SEC24C: variants seen among roughly 807,000 people sequenced by gnomAD.
SEC24C encodes protein transport protein Sec24C.
A neutral mutation model predicts 117.0 loss-of-function variants in SEC24C; 22 were observed. The observed-to-expected ratio is 0.19, with a 90% CI of 0.13 to 0.27. The LOEUF is 0.27. Among genes scored for constraint, SEC24C ranks in the 10% least tolerant of loss-of-function variants. The pLI is 1.00. For missense variants in SEC24C, 1,155 were observed against 1,375.1 expected, an observed-to-expected ratio of 0.84 and a Z score of 2.53; for synonymous variants, 506 against 529.4, an observed-to-expected ratio of 0.96 and a Z score of 0.61.
At chr10:73,770,586 A>G in intron 21 of SEC24C, 115 bp downstream of exon 21, 1 of 1,497,002 alleles carries the variant, frequency 6.7e-7, no homozygotes, top group South Asian at 1.1e-5. Context: ...ACTTGGGGAC[A>G]AGGGCAGTTG....
chr10:73,756,875 GGT>G (rs2082717174), intron 3 of SEC24C, among the ~76,000 whole-genome samples: 1 of 147,478 alleles, frequency 6.8e-6, no homozygotes, highest in Non-Finnish European at 1.5e-5. Flanking sequence ...TGGGATTACA[GGT>G]GTGAGTCACT....
intron 8 of SEC24C, among the ~76,000 whole-genome samples, chr10:73,764,307 G>A (rs956853606): frequency 1.3e-5 from 2 of 152,020 alleles, no homozygotes. Flanking sequence ...GGTGGATCAC[G>A]AGGACAGGAG....
intron 2 of SEC24C, among the ~76,000 whole-genome samples, chr10:73,749,668 C>T (rs935096773): frequency 6.6e-5 from 10 of 151,914 alleles, no homozygotes; most frequent in African/African-American, 1.9e-4. Context: ...CTCAGCCTCC[C>T]GAATAGCTGG....
chr10:73,746,915 A>T lies in SEC24C; in HGVS notation c.83A>T (p.Tyr28Phe). 1.2e-6 allele frequency: 2 copies of T among 1,614,062 alleles called. No homozygotes were observed. Among genetic ancestry groups the T allele is most frequent in the Non-Finnish European group, 1.7e-6 (2 of 1,179,972 alleles). Residue 28 changes from tyrosine to phenylalanine, a missense_variant, in exon 2 of 23, where the codon TAT (tyrosine) becomes TTT (phenylalanine). Transcript: ENST00000345254. Reference sequence around the variant, plus strand: ...TACCCAGGGTATCATCAGTCCAGCTATGGTGGGCAATCAGGGTCCACAGCC... The same window carrying T: ...TACCCAGGGTATCATCAGTCCAGCTTTGGTGGGCAATCAGGGTCCACAGCC... Reference protein sequence around the residue: ...PIYPGYHQSSYGGQSGSTAPA... With the variant: ...PIYPGYHQSSFGGQSGSTAPA...
In SEC24C at chr10:73,769,364, C is replaced by A. The variant is rs1282563855; in HGVS notation, c.2442C>A (p.Thr814=). Residue 814 remains threonine (T), a synonymous_variant, in exon 18 of 23, where the codon ACC becomes ACA. Transcript: ENST00000345254. The surrounding 1 kb of genome is among the most constrained non-coding windows in gnomAD (Gnocchi z 4.5). ...GALLQCALLY[T]SCAGQRRLRI... The stretch of plus-strand genomic sequence containing the variant: ...TCCCCTAGTGTGCCCTGCTTTACAC[C>A]AGCTGTGCAGGGCAGCGTCGGCTCC... 6 of 1,613,840 alleles carry A rather than the reference C, an allele frequency of 3.7e-6. No individual in the cohort carries two copies. The highest frequency in any genetic ancestry group is 2.2e-5 in the East Asian group (1 of 44,894).
At position 73,751,225 on chromosome 10, in the gene SEC24C, C is replaced by G. The variant is rs749889185; in HGVS notation, c.290C>G (p.Ser97Cys). 10 of 1,614,034 alleles carry G rather than the reference C, an allele frequency of 6.2e-6. No individual in the cohort carries two copies. The highest frequency in any genetic ancestry group is 8.5e-6 in the Non-Finnish European group (10 of 1,179,926). The change falls in exon 3 of 23, where the codon TCC (serine) becomes TGC (cysteine). Residue 97 changes from serine to cysteine, a missense_variant. Transcript: ENST00000345254. The stretch of plus-strand genomic sequence containing the variant: ...GGAGATGTACAGAATGGGCCAAGCT[C>G]CACTGTTCAGATGCAAAGGTAGGTA... ...GQGDVQNGPS[S>C]TVQMQRLPGS...
rs140932314 is a variant in SEC24C, at chr10:73,770,292, G to A, written c.2875G>A (p.Val959Ile). Reference sequence around the variant, plus strand: ...TCCTTTTGTCTAGACAAAGTCTCCCGTTGAGAGTACTACCGAACCACCAGC... The same window carrying A: ...TCCTTTTGTCTAGACAAAGTCTCCCATTGAGAGTACTACCGAACCACCAGC... ...PRLLPLTKSP[V>I]ESTTEPPAVR... The change falls in exon 21 of 23, where the codon GTT becomes ATT. Residue 959 changes from valine (V) to isoleucine (I), a missense_variant. This residue lies in a region of SEC24C where 759 missense variants were observed against 992.3 expected (regional missense o/e 0.76). Coordinates refer to ENST00000345254, the MANE Select transcript of SEC24C (RefSeq NM_198597.3). The A allele has an allele frequency of 4.0e-5, 65 of 1,608,556 alleles. No individual in the cohort carries two copies. Among genetic ancestry groups the A allele is most frequent in the African/African-American group, 9.4e-5 (7 of 74,568 alleles).
chr10:73,771,218 AG>A lies in SEC24C; in HGVS notation c.*124del. ...CCTCAGTCTCTCTGGGGGGAGGGGG[AG>A]ATATAAGGAGACACCTTCTTTCTGG... On this transcript the variant is annotated 3_prime_UTR_variant, in exon 23 of 23. Coordinates refer to ENST00000345254, the MANE Select transcript of SEC24C (RefSeq NM_198597.3). 9.0e-7 allele frequency: 1 copy of A among 1,106,736 alleles called. No homozygotes were observed. The highest frequency in any genetic ancestry group is 1.5e-5 in the South Asian group (1 of 65,010). The allele number at this position is 1,106,736 out of a possible 1,614,324, so 68.6% of individuals were successfully genotyped here.
rs750560497 is a variant in SEC24C, at chr10:73,767,909, G to A, written c.2083G>A (p.Asp695Asn). The A allele has an allele frequency of 3.7e-6, 6 of 1,613,776 alleles. No individual in the cohort carries two copies. Among genetic ancestry groups the A allele is most frequent in the Non-Finnish European group, 5.1e-6 (6 of 1,179,916 alleles). Residue 695 changes from aspartate (D) to asparagine (N), a missense_variant, in exon 15 of 23, where the codon GAT becomes AAT. Transcript: ENST00000345254. ...KECVAQGCCV[D>N]LFLFPNQYVD... ...GTGTGTGGCCCAAGGCTGCTGTGTA[G>A]ATCTCTTTCTCTTCCCTAACCAGTA...
chr10:73,764,724 T>C (rs150675120), intron 8 of SEC24C, among the ~76,000 whole-genome samples: 48 of 152,330 alleles, frequency 3.2e-4, no homozygotes, highest in African/African-American at 1.1e-3. Flanking sequence ...GTGATCCTTC[T>C]GTCACCTGTT....
At position 73,763,533 on chromosome 10, in the gene SEC24C, C is replaced by T; in HGVS notation, c.1031C>T (p.Pro344Leu). 2 of 1,613,916 alleles carry T rather than the reference C, an allele frequency of 1.2e-6. No individual in the cohort carries two copies. Among genetic ancestry groups the T allele is most frequent in the Non-Finnish European group, 8.5e-7 (1 of 1,179,902 alleles). ...EDDRNNRGTE[P>L]FVTGVRGQVP... is the part of the protein sequence containing the mutation. ...GACAGGAACAACCGGGGTACAGAGC[C>T]ATTTGTTACTGGAGTACGGGGCCAG... The change falls in exon 7 of 23, where the codon CCA becomes CTA. Residue 344 changes from proline to leucine, a missense_variant. This residue lies in a region of SEC24C where 759 missense variants were observed against 992.3 expected (regional missense o/e 0.76). Coordinates refer to ENST00000345254, the MANE Select transcript of SEC24C (RefSeq NM_198597.3).
chr10:73,770,500 G>C (rs2082960664), intron 21 of SEC24C, 29 bp downstream of exon 21: 1 of 1,608,930 alleles, frequency 6.2e-7, no homozygotes, highest in African/African-American at 1.3e-5. Flanking sequence ...GGAGAATATG[G>C]GTGTGGAAGT....
rs768851238 is a variant in SEC24C, at chr10:73,770,503, G to A, written c.3054+32G>A. 11 of 1,607,718 alleles carry A rather than the reference G, an allele frequency of 6.8e-6. No homozygotes were observed. In the East Asian group the frequency reaches 1.8e-4, roughly 26 times the overall value. ...GCAGGGAGTCAAGGAGAATATGGGT[G>A]TGGAAGTATACTTTGTGAAACAATT... On this transcript the variant is annotated intron_variant, in intron 21 of 22. Coordinates refer to ENST00000345254, the MANE Select transcript of SEC24C (RefSeq NM_198597.3).
In SEC24C at chr10:73,770,022, T is replaced by C. The variant is rs2082948778; in HGVS notation, c.2862+7T>C. On this transcript the variant is annotated splice_region_variant and intron_variant, in intron 20 of 22. Transcript: ENST00000345254. ...CCCTCGGCTCTTACCTTTGGTGCGA[T>C]TGAGGGTTGGAGTATGAGATCTTGC... is the stretch of plus-strand genomic sequence containing the variant. The C allele has an allele frequency of 1.2e-6, 2 of 1,613,596 alleles. No individual in the cohort carries two copies. Among genetic ancestry groups the C allele is most frequent in the South Asian group, 1.1e-5 (1 of 91,030 alleles).
At chr10:73,753,705 G>A (rs1417636749) in intron 3 of SEC24C, among the ~76,000 whole-genome samples, 1 of 152,134 alleles carries the variant, frequency 6.6e-6, no homozygotes, top group African/African-American at 2.4e-5. Context: ...ACAACCCCAC[G>A]TACCACAATT....
Position 73,758,206 on chromosome 10 carries a change from G to T in SEC24C, c.309-1416G>T, listed in dbSNP as rs1313310425. On this transcript the variant is annotated intron_variant, in intron 3 of 22. Transcript: ENST00000345254. The stretch of plus-strand genomic sequence containing the variant: ...GCCAAGATCGCACCACTGCACTCCA[G>T]CCTGGGCGACAGAGTGAGACTCTGT... Among the ~76,000 whole-genome samples the T allele has an allele frequency of 4.6e-5, 7 of 152,096 alleles. No homozygotes were observed. The East Asian group carries it at 1.4e-3, about 29-fold the overall frequency.
intron 3 of SEC24C, among the ~76,000 whole-genome samples, chr10:73,758,302 A>G (rs2082743236): frequency 6.6e-6 from 1 of 152,214 alleles, no homozygotes; most frequent in Non-Finnish European, 1.5e-5. Context: ...ATGTTTAGCT[A>G]AAAGGGGAGC....
At chr10:73,749,565 A>G (rs867210637) in intron 2 of SEC24C, among the ~76,000 whole-genome samples, 2 of 142,060 alleles carry the variant, frequency 1.4e-5, no homozygotes, top group African/African-American at 2.6e-5. Flanking sequence ...CTTTTTGGAG[A>G]CAGAGTCTTA....
At chr10:73,745,350 G>T (rs2082530882) in intron 1 of SEC24C, among the ~76,000 whole-genome samples, 1 of 151,850 alleles carries the variant, frequency 6.6e-6, no homozygotes, top group African/African-American at 2.4e-5. Context: ...AGAAACAGGA[G>T]AGTTGGAGAA....
Sources: gnomAD v4.1 joint callset for allele counts (sites outside exome capture counted in the v4.1 genomes callset) on GRCh38, gnomAD v4.1.1 for gene constraint, gnomAD v4.1.1 regional missense constraint, Gnocchi (gnomAD v3.1) non-coding constraint, MANE v1.5 for transcripts, NCBI Gene and HGNC (gene_info 2026-07-23, HGNC 2026-07-21) for gene names.